The following EIF3K variants were observed in gnomAD, a reference collection of about 807,000 sequenced individuals.
EIF3K encodes the protein eukaryotic translation initiation factor 3 subunit K.
In EIF3K, 27 loss-of-function variants were observed where a neutral mutation model predicts 34.2. The observed-to-expected ratio is 0.79, with a 90% CI of 0.58 to 1.09. The LOEUF is 1.09. Ranked by LOEUF, EIF3K falls within the 50% of genes least tolerant of loss-of-function variation. EIF3K has a pLI of 0.00. For synonymous variants in EIF3K, 105 were observed against 105.7 expected (o/e 0.99, Z 0.04); for missense variants, 232 against 275.4 (o/e 0.84, Z 1.11).
intron 3 of EIF3K, among the ~76,000 whole-genome samples, chr19:38,625,499 G>T (rs530072826): frequency 6.8e-6 from 1 of 146,468 alleles, no homozygotes; most frequent in South Asian, 2.2e-4. Context: ...TAATAGTAGG[G>T]TTTTTTTGTT....
chr19:38,620,768 C>T (rs986435282), intron 2 of EIF3K, among the ~76,000 whole-genome samples: 3 of 152,102 alleles, frequency 2.0e-5, no homozygotes, highest in Non-Finnish European at 4.4e-5. Flanking sequence ...GTGCCACATG[C>T]CTGTAATCCC....
At position 38,627,728 on chromosome 19, in the gene EIF3K, C is replaced by G. The variant is rs540952362; in HGVS notation, c.354+1626C>G. ...CACTGGCGCTCTCTACCACTCCTGC[C>G]CTAATTCTTAGACGCTTAGAAAGTA... On this transcript the variant is annotated intron_variant, in intron 4 of 7. Coordinates refer to ENST00000248342, the MANE Select transcript of EIF3K (RefSeq NM_013234.4). Among the ~76,000 whole-genome samples the G allele has an allele frequency of 1.2e-4, 18 of 151,950 alleles. No homozygotes were observed. In the South Asian group the frequency reaches 3.7e-3, roughly 32 times the overall value.
At chr19:38,632,519 G>A (rs762483203) in intron 5 of EIF3K, 23 bp downstream of exon 5, 2 of 1,613,706 alleles carry the variant, frequency 1.2e-6, no homozygotes, top group South Asian at 2.2e-5. Context: ...CTGAGGCTGG[G>A]CTCCCCAAGG....
chr19:38,636,732 CTTT>C (rs1477933272), intron 7 of EIF3K, among the ~76,000 whole-genome samples, 154 bp from the exon 8 acceptor site: 3 of 152,152 alleles, frequency 2.0e-5, no homozygotes, highest in Admixed American at 6.6e-5. Flanking sequence ...CAGAGTCCAT[CTTT>C]TTAAAATACT....
intron 4 of EIF3K, 119 bp downstream of exon 4, chr19:38,626,221 G>C (rs553384133): frequency 2.2e-6 from 2 of 902,730 alleles, no homozygotes; most frequent in Admixed American, 3.8e-5. Flanking sequence ...CCAGTGCTCT[G>C]CATGTGTGTG....
In EIF3K at chr19:38,624,298, C is replaced by G; in HGVS notation, c.279+101C>G. 2.6e-6 allele frequency: 4 copies of G among 1,541,012 alleles called. No individual in the cohort carries two copies. The Admixed American group carries it at 7.5e-5, about 29-fold the overall frequency. ...GGTCTGTGGGTGTATCCACAAACAACAAGTGCCTGCTCTGGTCCAGCGTGG... is the reference window on the plus strand; with the variant it reads ...GGTCTGTGGGTGTATCCACAAACAAGAAGTGCCTGCTCTGGTCCAGCGTGG... On this transcript the variant is annotated intron_variant, in intron 3 of 7. Coordinates refer to ENST00000248342, the MANE Select transcript of EIF3K (RefSeq NM_013234.4).
At chr19:38,626,157 G>A (rs1248615610) in intron 4 of EIF3K, 55 bp downstream of exon 4, 9 of 1,537,174 alleles carry the variant, frequency 5.9e-6, no homozygotes, top group Non-Finnish European at 8.1e-6. Flanking sequence ...GTGGAGCTGA[G>A]TGCTAAAAGT....
rs1006777609 is a variant in EIF3K at position 38,632,184 on chromosome 19, C to G, written c.355-246C>G. 1.7e-5 allele frequency: 8 copies of G among 473,312 alleles called. No individual in the cohort carries two copies. The South Asian group carries it at 1.9e-4, about 11-fold the overall frequency. 29.3% of individuals were successfully genotyped at this position (473,312 alleles called of 1,614,324 possible). A position where few individuals can be genotyped will look rare whatever the true frequency, so the allele number is the denominator to read the frequency against. ...TAATCCCAACGCTTTGAGAGGCCAGCGTGGGCAGATCACTTGAGCCCAGGA... is the reference window on the plus strand; with the variant it reads ...TAATCCCAACGCTTTGAGAGGCCAGGGTGGGCAGATCACTTGAGCCCAGGA... On this transcript the variant is annotated intron_variant, in intron 4 of 7. Transcript: ENST00000248342.
intron 6 of EIF3K, among the ~76,000 whole-genome samples, chr19:38,633,157 A>T (rs1464458878): frequency 6.6e-6 from 1 of 152,054 alleles, no homozygotes; most frequent in Non-Finnish European, 1.5e-5. Flanking sequence ...GCCAGGGTGT[A>T]TGTGGCCAGA....
At chr19:38,628,109 G>A (rs1051454389) in intron 4 of EIF3K, among the ~76,000 whole-genome samples, 1 of 151,956 alleles carries the variant, frequency 6.6e-6, no homozygotes, top group African/African-American at 2.4e-5. Context: ...TCACCATGTT[G>A]GCCAGGCTGG....
At chr19:38,624,305 C>T (rs879180050) in intron 3 of EIF3K, 108 bp downstream of exon 3, 3 of 1,520,130 alleles carry the variant, frequency 2.0e-6, no homozygotes, top group South Asian at 2.5e-5. Context: ...CAACAAGTGC[C>T]TGCTCTGGTC....
Position 38,630,507 on chromosome 19 carries a change from G to A in EIF3K, c.355-1923G>A, listed in dbSNP as rs1412592975. Among the ~76,000 whole-genome samples the A allele has an allele frequency of 2.0e-5, 3 of 151,780 alleles. No individual in the cohort carries two copies. The East Asian group carries it at 5.8e-4, about 29-fold the overall frequency. Reference sequence around the variant, plus strand: ...CTGCAGGCACATGCCACCACACCTGGCTAATTTTTTGTATTTTTAGTAGAG... The same window carrying A: ...CTGCAGGCACATGCCACCACACCTGACTAATTTTTTGTATTTTTAGTAGAG... On this transcript the variant is annotated intron_variant, in intron 4 of 7. Coordinates refer to ENST00000248342, the MANE Select transcript of EIF3K (RefSeq NM_013234.4).
In EIF3K at chr19:38,634,989, G is replaced by C. The variant is rs2233002; in HGVS notation, c.500-4G>C. The C allele has an allele frequency of 1.6e-3, 2,548 of 1,614,084 alleles. 78 individuals are homozygous for C. The Admixed American group carries it at 0.038, about 24-fold the overall frequency. On this transcript the variant is annotated splice_region_variant and splice_polypyrimidine_tract_variant and intron_variant, in intron 6 of 7. Transcript: ENST00000248342. ...AAGCCCCTTGCTGCCCCTGTCACCT[G>C]CAGACAGCCAGCTAAAGGTGTGGAT...
At chr19:38,634,263 AT>A (rs34872970) in intron 6 of EIF3K, among the ~76,000 whole-genome samples, 21,137 of 113,730 alleles carry the variant, frequency 0.19, 2,431 homozygotes, top group East Asian at 0.52. Flanking sequence ...CGCCCAGCTA[AT>A]TTTTTTTTTT....
rs894219523 is a variant in EIF3K at position 38,630,383 on chromosome 19, C to T, written c.355-2047C>T. Among the ~76,000 whole-genome samples, 11 of 146,792 alleles carry T rather than the reference C, an allele frequency of 7.5e-5. No homozygotes were observed. In the East Asian group the frequency reaches 8.0e-4, roughly 11 times the overall value. On this transcript the variant is annotated intron_variant, in intron 4 of 7. Coordinates refer to ENST00000248342, the MANE Select transcript of EIF3K (RefSeq NM_013234.4). ...TTTTTGAGATGGAGTCTCGCGCTGT[C>T]GCCCAGGCTGGAGTTCAGTGGCACA...
intron 6 of EIF3K, 93 bp from the exon 7 acceptor site, chr19:38,634,900 T>C: frequency 6.4e-7 from 1 of 1,568,504 alleles, no homozygotes; most frequent in South Asian, 1.2e-5. Context: ...GGGGCTGCCC[T>C]GGCTTCCTGA....
chr19:38,625,425 C>T (rs1347679022), intron 3 of EIF3K, among the ~76,000 whole-genome samples: 1 of 151,540 alleles, frequency 6.6e-6, no homozygotes, highest in Non-Finnish European at 1.5e-5. Flanking sequence ...CTCAGCCTCC[C>T]AAAGTGATAG....
rs1213113462 is a variant in EIF3K at position 38,624,228 on chromosome 19, T to C, written c.279+31T>C. ...CTTCCAGCACTGGGGCCGGGGGGTG[T>C]GTGGGAAGGGGTCAGAGTCAAGGTG... is the stretch of plus-strand genomic sequence containing the variant. On this transcript the variant is annotated intron_variant, in intron 3 of 7. Coordinates refer to ENST00000248342, the MANE Select transcript of EIF3K (RefSeq NM_013234.4). The C allele has an allele frequency of 1.9e-6, 3 of 1,613,290 alleles. No individual in the cohort carries two copies. In the Admixed American group the frequency reaches 5.0e-5, roughly 27 times the overall value.
chr19:38,629,267 G>GTTTTGTTTTGT lies in EIF3K; in HGVS notation c.355-3160_355-3159insTGTTTTGTTTT, dbSNP rs1555816064. 1.6e-3 allele frequency among the ~76,000 whole-genome samples: 237 copies of GTTTTGTTTTGT among 148,940 alleles called. 1 individual carries two copies. Among genetic ancestry groups the GTTTTGTTTTGT allele is most frequent in the African/African-American group, 5.6e-3 (222 of 39,988 alleles). On this transcript the variant is annotated intron_variant, in intron 4 of 7. Coordinates refer to ENST00000248342, the MANE Select transcript of EIF3K (RefSeq NM_013234.4). ...ACAGATAGACAGGTTTTTTTTGTTT[G>GTTTTGTTTTGT]TTTGTTTTGTTTTGTTTTGTTTTGT...
Sources: allele counts gnomAD v4.1 joint callset (sites outside exome capture counted in the v4.1 genomes callset), GRCh38; gene constraint gnomAD v4.1.1; transcripts MANE v1.5; gene names NCBI Gene and HGNC (gene_info 2026-07-23, HGNC 2026-07-21).